Variants in PCDHGA7 observed in about 807,000 individuals in gnomAD.
PCDHGA7 encodes the protein protocadherin gamma-A7.
A neutral mutation model predicts 58.3 loss-of-function variants in PCDHGA7; 44 were observed. The observed-to-expected ratio is 0.75, with a 90% CI of 0.59 to 0.97. PCDHGA7 has a LOEUF of 0.97. PCDHGA7 is among the 50% of genes least tolerant of loss of function. PCDHGA7 has a pLI of 0.00. For missense variants in PCDHGA7, 1,266 were observed against 1,188.7 expected (o/e 1.06, Z -0.96); for synonymous variants, 516 against 504.2 (o/e 1.02, Z -0.31).
intron 1 of PCDHGA7, among the ~76,000 whole-genome samples, chr5:141,456,780 T>A (rs1392367637): frequency 1.3e-5 from 2 of 152,000 alleles, no homozygotes; most frequent in Non-Finnish European, 2.9e-5. Flanking sequence ...CTGGCCTACA[T>A]GGCAAAACCC....
intron 1 of PCDHGA7, among the ~76,000 whole-genome samples, chr5:141,406,933 T>C (rs1034700573): frequency 6.6e-6 from 1 of 152,218 alleles, no homozygotes; most frequent in African/African-American, 2.4e-5. Flanking sequence ...ATGTATTATT[T>C]AATGTTATTT....
chr5:141,394,145 C>A, intron 1 of PCDHGA7: 1 of 1,613,962 alleles, frequency 6.2e-7, no homozygotes, highest in Non-Finnish European at 8.5e-7. Flanking sequence ...ACGTGGCAGA[C>A]ATTAACGACA....
chr5:141,487,880 G>T lies in PCDHGA7; in HGVS notation c.2425-6927G>T, dbSNP rs1008153773. ...ATTGGTGATCAAGAGCCAGGCTGTTGTGGAAGCATGATGATGGAATGTGGG... is the reference window on the plus strand; with the variant it reads ...ATTGGTGATCAAGAGCCAGGCTGTTTTGGAAGCATGATGATGGAATGTGGG... On this transcript the variant is annotated intron_variant, in intron 1 of 3. Transcript: ENST00000518325. The surrounding 1 kb of genome is among the most constrained non-coding windows in gnomAD (Gnocchi z 5.0). The T allele has an allele frequency of 3.8e-6, 3 of 784,896 alleles. No individual in the cohort carries two copies. Among genetic ancestry groups the T allele is most frequent in the Non-Finnish European group, 6.0e-6 (3 of 497,074 alleles). 48.6% of individuals were successfully genotyped at this position (784,896 alleles called of 1,614,324 possible).
At chr5:141,423,050 G>T (rs1434973750) in intron 1 of PCDHGA7, 2 of 1,614,068 alleles carry the variant, frequency 1.2e-6, no homozygotes, top group Admixed American at 1.7e-5. Context: ...CTGTCCTATC[G>T]CCTGCTTAAG....
chr5:141,419,884 C>A lies in PCDHGA7; in HGVS notation c.2424+34561C>A. 1 of 1,614,088 alleles carries A rather than the reference C, an allele frequency of 6.2e-7. No individual in the cohort carries two copies. The highest frequency in any genetic ancestry group is 8.5e-7 in the Non-Finnish European group (1 of 1,179,896). On this transcript the variant is annotated intron_variant, in intron 1 of 3. Transcript: ENST00000518325. ...GCTTGCAAGAGGTACTGCCGGATTT[C>A]AGCGACCATCCCACACCCTCTGACT... is the stretch of plus-strand genomic sequence containing the variant.
intron 1 of PCDHGA7, among the ~76,000 whole-genome samples, chr5:141,453,710 A>C (rs988115758): frequency 3.9e-5 from 6 of 152,242 alleles, no homozygotes; most frequent in African/African-American, 1.4e-4. Context: ...GAACAGTTTC[A>C]CTATAAAAAT....
At position 141,476,356 on chromosome 5, in the gene PCDHGA7, C is replaced by T. The variant is rs757679991; in HGVS notation, c.2425-18451C>T. The stretch of plus-strand genomic sequence containing the variant: ...CTAGCCGAAGATTCTTTGAGGTGAA[C>T]CGGGAGACCGGAGAGATGTTTGTGA... On this transcript the variant is annotated intron_variant, in intron 1 of 3. Coordinates refer to ENST00000518325, the MANE Select transcript of PCDHGA7 (RefSeq NM_018920.4). This position sits in a 1 kb window ranked among gnomAD's most constrained non-coding sequence, Gnocchi z 7.6. 6 of 1,613,958 alleles carry T rather than the reference C, an allele frequency of 3.7e-6. No individual in the cohort carries two copies. The African/African-American group carries it at 4.0e-5, about 11-fold the overall frequency.
chr5:141,428,305 G>T (rs751498223), intron 1 of PCDHGA7: 8 of 694,348 alleles, frequency 1.2e-5, no homozygotes. Flanking sequence ...GATTTACCTG[G>T]TCGTGGCCTT....
intron 1 of PCDHGA7, chr5:141,398,053 A>C: frequency 2.0e-6 from 3 of 1,516,468 alleles, no homozygotes; most frequent in Non-Finnish European, 2.7e-6. Flanking sequence ...TCGGAGATCC[A>C]AAAATCTACA....
In PCDHGA7 at chr5:141,489,514, C is replaced by T. The variant is rs141377711; in HGVS notation, c.2425-5293C>T. 63 of 1,613,926 alleles carry T rather than the reference C, an allele frequency of 3.9e-5. No homozygotes were observed. The highest frequency in any genetic ancestry group is 6.7e-5 in the Admixed American group (4 of 60,004). ...CCTGGCAGTGAATCAAAAGATTGAC[C>T]GAGAAAGCCTATGTGGAGCCAGCAC... On this transcript the variant is annotated intron_variant, in intron 1 of 3. Coordinates refer to ENST00000518325, the MANE Select transcript of PCDHGA7 (RefSeq NM_018920.4). This position sits in a 1 kb window ranked among gnomAD's most constrained non-coding sequence, Gnocchi z 4.5.
chr5:141,414,040 C>T, intron 1 of PCDHGA7: 2 of 1,611,438 alleles, frequency 1.2e-6, no homozygotes, highest in Non-Finnish European at 1.7e-6. Context: ...CCGAAAATTA[C>T]CTGACACGCA....
intron 1 of PCDHGA7, chr5:141,418,613 C>T (rs759701663): frequency 9.9e-6 from 16 of 1,613,892 alleles, no homozygotes; most frequent in Non-Finnish European, 1.4e-5. Context: ...GGTTAGCCTT[C>T]GGGAAGACGT....
At chr5:141,408,990 A>T (rs1554103244) in intron 1 of PCDHGA7, 1 of 1,613,984 alleles carries the variant, frequency 6.2e-7, no homozygotes, top group South Asian at 1.1e-5. Flanking sequence ...CCTGTGTTGC[A>T]AGTGACAGCC....
At chr5:141,467,693 G>C (rs543886467) in intron 1 of PCDHGA7, among the ~76,000 whole-genome samples, 49 of 152,108 alleles carry the variant, frequency 3.2e-4, no homozygotes, top group African/African-American at 1.1e-3. Flanking sequence ...ACAGGGTCTG[G>C]CTCTGTTGCC....
chr5:141,397,972 G>A lies in PCDHGA7; in HGVS notation c.2424+12649G>A. 2.6e-6 allele frequency: 3 copies of A among 1,155,562 alleles called. No homozygotes were observed. In the South Asian group the frequency reaches 4.9e-5, roughly 19 times the overall value. The allele number at this position is 1,155,562 out of a possible 1,614,324, so 71.6% of individuals were successfully genotyped here. A position where few individuals can be genotyped will look rare whatever the true frequency, so the allele number is the denominator to read the frequency against. On this transcript the variant is annotated intron_variant, in intron 1 of 3. Transcript: ENST00000518325. ...GCAGCCCCAGCTCAGACTCCCCAGC[G>A]CCGGCCTTTACACCGCTTCCTCCTC...
intron 1 of PCDHGA7, among the ~76,000 whole-genome samples, chr5:141,462,771 G>C (rs1295560657): frequency 6.6e-6 from 1 of 152,088 alleles, no homozygotes; most frequent in Non-Finnish European, 1.5e-5. Context: ...CTGGCTTGGG[G>C]TCATAATTTG....
chr5:141,434,026 A>G (rs2154556044), intron 1 of PCDHGA7, among the ~76,000 whole-genome samples: 1 of 152,236 alleles, frequency 6.6e-6, no homozygotes, highest in Admixed American at 6.5e-5. Flanking sequence ...TGATTCTGGA[A>G]GCATGGTTTT....
At chr5:141,414,472 A>C (rs1039987036) in intron 1 of PCDHGA7, 5 of 1,613,796 alleles carry the variant, frequency 3.1e-6, no homozygotes, top group African/African-American at 1.3e-5. Flanking sequence ...AGATGGGGGA[A>C]GTCCTCCTCT....
chr5:141,421,912 A>G (rs1207036091), intron 1 of PCDHGA7: 2 of 1,613,696 alleles, frequency 1.2e-6, no homozygotes, highest in Admixed American at 1.7e-5. Context: ...CGCAGTTCCC[A>G]TTCGTGTGGT....
Sources: allele counts gnomAD v4.1 joint callset (sites outside exome capture counted in the v4.1 genomes callset), GRCh38; gene constraint gnomAD v4.1.1; non-coding constraint Gnocchi (gnomAD v3.1); transcripts MANE v1.5; gene names NCBI Gene and HGNC (gene_info 2026-07-23, HGNC 2026-07-21).